SEMA3A: variants seen among roughly 807,000 people sequenced by gnomAD.
The protein encoded by SEMA3A is semaphorin-3A.
Under a neutral mutation model 97.9 loss-of-function variants are expected in SEMA3A, and 29 were observed. The ratio of observed to expected loss-of-function variants is 0.30; its 90% CI spans 0.22 to 0.40. The LOEUF is 0.40. Among genes scored for constraint, SEMA3A ranks in the 10% least tolerant of loss-of-function variants. The probability of loss-of-function intolerance (pLI) is 1.00; values close to 1 mark genes in which losing one functional copy is unlikely to be tolerated. For synonymous variants in SEMA3A, 321 were observed against 323.7 expected (o/e 0.99, Z 0.09); for missense variants, 763 against 951.3 (o/e 0.80, Z 2.60).
chr7:84,007,268 T>C, intron 10 of SEMA3A, 85 bp downstream of exon 10: 2 of 1,115,064 alleles, frequency 1.8e-6, no homozygotes, highest in Non-Finnish European at 2.5e-6. Context: ...ACAGGATACA[T>C]TTAATATCTG....
intron 1 of SEMA3A, among the ~76,000 whole-genome samples, chr7:84,393,964 C>G (rs1180599185): frequency 6.6e-6 from 1 of 151,920 alleles, no homozygotes; most frequent in African/African-American, 2.4e-5. Context: ...CAATTCTGGC[C>G]AAAGTAATCA....
chr7:84,043,617 G>A (rs1211637158), intron 6 of SEMA3A, among the ~76,000 whole-genome samples: 1 of 152,118 alleles, frequency 6.6e-6, no homozygotes, highest in Non-Finnish European at 1.5e-5. Context: ...GCATGAATGT[G>A]TAAACATTGT....
intron 6 of SEMA3A, among the ~76,000 whole-genome samples, chr7:84,033,446 A>C (rs1791830126): frequency 6.6e-6 from 1 of 152,170 alleles, no homozygotes; most frequent in African/African-American, 2.4e-5. Flanking sequence ...TAGCTGTTCA[A>C]AGAACACACT....
intron 1 of SEMA3A, among the ~76,000 whole-genome samples, chr7:84,180,376 T>G (rs1333847498): frequency 1.3e-5 from 2 of 152,118 alleles, no homozygotes; most frequent in African/African-American, 2.4e-5. Context: ...TTTTGAAAAT[T>G]TTGTATTTTT....
At chr7:84,342,650 T>G (rs1235956593) in intron 2 of SEMA3A, among the ~76,000 whole-genome samples, 1 of 152,206 alleles carries the variant, frequency 6.6e-6, no homozygotes, top group African/African-American at 2.4e-5. Context: ...TTTCCACATC[T>G]CTTGAACAAA....
chr7:84,196,409 G>A (rs1798233509), upstream of SEMA3A, among the ~76,000 whole-genome samples: 1 of 151,156 alleles, frequency 6.6e-6, no homozygotes, highest in Non-Finnish European at 1.5e-5. Context: ...CGTTGGATGT[G>A]TGGCTTGTGT....
intron 3 of SEMA3A, among the ~76,000 whole-genome samples, chr7:84,301,135 A>G (rs965863112): frequency 1.3e-5 from 2 of 152,140 alleles, no homozygotes; most frequent in African/African-American, 4.8e-5. Flanking sequence ...CTACAAGAAT[A>G]AAACTCTTAG....
At position 84,416,339 on chromosome 7, in the gene SEMA3A, T is replaced by C. The variant is rs368551267; in HGVS notation, c.-245-44439A>G. ...ACCATGTAAGAAGTGCCTTTCACCT[T>C]CCGCCATGATTCTGAGGCCTCCCCA... is the stretch of plus-strand genomic sequence containing the variant. On this transcript the variant is annotated intron_variant, in intron 1 of 3. Coordinates refer to the SEMA3A transcript ENST00000424555. 7.6e-4 allele frequency among the ~76,000 whole-genome samples: 116 copies of C among 152,182 alleles called. 1 individual carries two copies. The highest frequency in any genetic ancestry group is 2.6e-3 in the African/African-American group (107 of 41,532).
rs1273882486 is a variant in SEMA3A at position 84,108,267 on chromosome 7, T to C, written c.453+2203A>G. On this transcript the variant is annotated intron_variant, in intron 4 of 16. Transcript: ENST00000265362. ...TAAGCAGCTAGTACCAAGCTGAGGT[T>C]GAATGCAAGTCCTGCAGTCTGAGGC... is the stretch of plus-strand genomic sequence containing the variant. Among the ~76,000 whole-genome samples the C allele has an allele frequency of 2.0e-5, 3 of 151,682 alleles. No homozygotes were observed. The East Asian group carries it at 5.8e-4, about 30-fold the overall frequency.
At chr7:84,142,378 T>G (rs896666267) in intron 1 of SEMA3A, among the ~76,000 whole-genome samples, 1 of 152,066 alleles carries the variant, frequency 6.6e-6, no homozygotes, top group Non-Finnish European at 1.5e-5. Context: ...AGGCTAACTA[T>G]AGTTAAGGAA....
chr7:84,046,055 T>A (rs1792336850), intron 6 of SEMA3A, among the ~76,000 whole-genome samples: 1 of 151,924 alleles, frequency 6.6e-6, no homozygotes, highest in Admixed American at 6.6e-5. Flanking sequence ...TTCCATTTCC[T>A]CCCTTCCGTA....
intron 3 of SEMA3A, among the ~76,000 whole-genome samples, chr7:84,202,134 ATTTGATATT>A (rs1554345358): frequency 6.6e-6 from 1 of 152,136 alleles, no homozygotes; most frequent in Non-Finnish European, 1.5e-5. Context: ...TTGAAATGAT[ATTTGATATT>A]TTTGATAGAA....
chr7:84,428,305 A>G (rs1349440635), intron 1 of SEMA3A, among the ~76,000 whole-genome samples: 2 of 152,112 alleles, frequency 1.3e-5, no homozygotes, highest in Non-Finnish European at 2.9e-5. Context: ...CAGTTATTAT[A>G]AATGTAAAAT....
At chr7:83,971,952 A>G (rs1048040341) in intron 15 of SEMA3A, among the ~76,000 whole-genome samples, 1 of 151,984 alleles carries the variant, frequency 6.6e-6, no homozygotes, top group African/African-American at 2.4e-5. Flanking sequence ...GAATCCATAG[A>G]TTCCTGAAGA....
chr7:84,029,005 A>T (rs1454501852), intron 6 of SEMA3A, among the ~76,000 whole-genome samples: 1 of 152,204 alleles, frequency 6.6e-6, no homozygotes, highest in Non-Finnish European at 1.5e-5. Flanking sequence ...CCATCCTGAT[A>T]TCTCAGAATA....
chr7:84,011,912 A>C (rs1790896110), intron 7 of SEMA3A, among the ~76,000 whole-genome samples: 1 of 152,180 alleles, frequency 6.6e-6, no homozygotes, highest in African/African-American at 2.4e-5. Flanking sequence ...AAAATCAAGA[A>C]GAAGGAAATC....
chr7:84,417,670 T>A (rs1804472432), intron 1 of SEMA3A, among the ~76,000 whole-genome samples: 1 of 152,134 alleles, frequency 6.6e-6, no homozygotes, highest in African/African-American at 2.4e-5. Context: ...TATTTTATTA[T>A]ATATTGCTGT....
chr7:84,491,955 T>C lies in SEMA3A; in HGVS notation c.-246+505A>G, dbSNP rs17159091. 0.013 allele frequency among the ~76,000 whole-genome samples: 2,039 copies of C among 152,270 alleles called. 96 individuals are homozygous for C. In the East Asian group the frequency reaches 0.16, roughly 12 times the overall value. ...CTTTTAGAGTTTTTAGTGTCACTTCTCTAGTAAGAGATCAAGCTATAGAAC... is the reference window on the plus strand; with the variant it reads ...CTTTTAGAGTTTTTAGTGTCACTTCCCTAGTAAGAGATCAAGCTATAGAAC... On this transcript the variant is annotated intron_variant, in intron 1 of 3. Coordinates refer to the SEMA3A transcript ENST00000424555.
intron 1 of SEMA3A, among the ~76,000 whole-genome samples, chr7:84,428,716 A>T (rs111333701): frequency 6.6e-6 from 1 of 152,046 alleles, no homozygotes; most frequent in African/African-American, 2.4e-5. Context: ...TTTCCACCAA[A>T]ACTGTATAAT....
Sources: gnomAD v4.1 joint callset for allele counts (sites outside exome capture counted in the v4.1 genomes callset) on GRCh38, gnomAD v4.1.1 for gene constraint, MANE v1.5 for transcripts, NCBI Gene and HGNC (gene_info 2026-07-23, HGNC 2026-07-21) for gene names.